Variants in MPDZ observed in about 807,000 individuals in gnomAD.
The protein encoded by MPDZ is multiple PDZ domain protein.
In MPDZ, 234 loss-of-function variants were observed where a neutral mutation model predicts 239.1. The observed-to-expected ratio is 0.98, with a 90% CI of 0.88 to 1.09. The LOEUF (loss-of-function observed/expected upper bound fraction) is 1.09. Ranked by LOEUF, MPDZ falls within the 50% of genes least tolerant of loss-of-function variation. The pLI, the probability that MPDZ is intolerant of heterozygous loss-of-function variation, is 0.00. For missense variants in MPDZ, 3,175 were observed against 2,510.0 expected, an observed-to-expected ratio of 1.26 and a Z score of -5.66; for synonymous variants, 1,048 against 881.3, an observed-to-expected ratio of 1.19 and a Z score of -3.35.
chr9:13,216,551 A>C (rs1405691671), intron 10 of MPDZ, among the ~76,000 whole-genome samples: 1 of 151,964 alleles, frequency 6.6e-6, no homozygotes, highest in Non-Finnish European at 1.5e-5. Flanking sequence ...TTATTCAAGA[A>C]GGAAGTCTCC....
chr9:13,270,011 A>T (rs1972606080), intron 1 of MPDZ, among the ~76,000 whole-genome samples: 1 of 152,222 alleles, frequency 6.6e-6, no homozygotes, highest in Non-Finnish European at 1.5e-5. Context: ...ATGTAATTCT[A>T]TAGGATTCAT....
intron 4 of MPDZ, 122 bp downstream of exon 4, chr9:13,224,251 CT>C: frequency 1.1e-6 from 1 of 923,054 alleles, no homozygotes; most frequent in East Asian, 2.5e-5. Flanking sequence ...ACAAAACTGA[CT>C]TTTTGTTCCA....
chr9:13,236,279 T>A (rs1159341549), intron 3 of MPDZ, among the ~76,000 whole-genome samples: 248 of 21,912 alleles, frequency 0.011, 14 homozygotes, highest in East Asian at 0.034. Context: ...TTTTTTTTTT[T>A]TTTTTTTTTT....
chr9:13,255,806 T>C (rs1969296929), intron 1 of MPDZ, among the ~76,000 whole-genome samples: 2 of 152,210 alleles, frequency 1.3e-5, no homozygotes, highest in African/African-American at 4.8e-5. Context: ...AGATTTAGAA[T>C]AACCCTTAAG....
intron 37 of MPDZ, 72 bp downstream of exon 37, chr9:13,122,015 C>A: frequency 6.2e-7 from 1 of 1,600,094 alleles, no homozygotes; most frequent in East Asian, 2.2e-5. Context: ...GAGAAAGAAG[C>A]AAAGAAAGAA....
At chr9:13,169,800 T>C (rs1951553981) in intron 21 of MPDZ, among the ~76,000 whole-genome samples, 1 of 152,208 alleles carries the variant, frequency 6.6e-6, no homozygotes, top group African/African-American at 2.4e-5. Flanking sequence ...CCTTGCTTTG[T>C]GTTATGTCCT....
intron 4 of MPDZ, 122 bp downstream of exon 4, chr9:13,224,250 ACT>A: frequency 1.1e-6 from 1 of 889,888 alleles, no homozygotes; most frequent in Non-Finnish European, 1.7e-6. Context: ...CACAAAACTG[ACT>A]TTTTGTTCCA....
intron 19 of MPDZ, among the ~76,000 whole-genome samples, chr9:13,177,039 A>G (rs16930184): frequency 0.019 from 2,849 of 152,276 alleles, 112 homozygotes; most frequent in East Asian, 0.17. Flanking sequence ...CTCTAAATCC[A>G]GGCTCTGTTA....
At chr9:13,116,117 C>A (rs559773777) in intron 39 of MPDZ, among the ~76,000 whole-genome samples, 1 of 152,250 alleles carries the variant, frequency 6.6e-6, no homozygotes, top group Non-Finnish European at 1.5e-5. Context: ...ATAAATACTG[C>A]TATCAACACA....
chr9:13,195,050 G>C (rs1955464792), intron 13 of MPDZ, among the ~76,000 whole-genome samples: 1 of 152,132 alleles, frequency 6.6e-6, no homozygotes. Flanking sequence ...CAATTTGGGA[G>C]GCTGAGGCAG....
At chr9:13,221,643 C>A in intron 6 of MPDZ, 143 bp from the exon 7 acceptor site, 1 of 786,756 alleles carries the variant, frequency 1.3e-6, no homozygotes, top group Non-Finnish European at 1.9e-6. Flanking sequence ...ATGTCCCTTT[C>A]ATTTGGTATA....
chr9:13,279,259 C>A (rs1209212635), intron 1 of MPDZ, 141 bp downstream of exon 1: 7 of 130,850 alleles, frequency 5.3e-5, no homozygotes, highest in African/African-American at 8.1e-5. Context: ...CTACCCCCAC[C>A]CCCACCCCCA....
At chr9:13,248,813 A>T (rs1307479831) in intron 2 of MPDZ, among the ~76,000 whole-genome samples, 1 of 151,044 alleles carries the variant, frequency 6.6e-6, no homozygotes, top group Non-Finnish European at 1.5e-5. Flanking sequence ...ACTAAAAAAA[A>T]ATAAAAAAAA....
chr9:13,201,199 C>CA (rs1956347668), intron 12 of MPDZ, among the ~76,000 whole-genome samples: 1 of 151,908 alleles, frequency 6.6e-6, no homozygotes, highest in Non-Finnish European at 1.5e-5. Flanking sequence ...CTGTTCTTCA[C>CA]TTAGCCTATT....
At chr9:13,243,863 A>G (rs372754689) in intron 3 of MPDZ, among the ~76,000 whole-genome samples, 1 of 152,216 alleles carries the variant, frequency 6.6e-6, no homozygotes. Flanking sequence ...CACCAACAAC[A>G]AAACAATAGA....
At chr9:13,230,327 C>G (rs1962003979) in intron 3 of MPDZ, among the ~76,000 whole-genome samples, 3 of 152,052 alleles carry the variant, frequency 2.0e-5, no homozygotes, top group African/African-American at 7.2e-5. Flanking sequence ...AAATAAAAAC[C>G]TAGGTCCACA....
At position 13,106,850 on chromosome 9, in the gene MPDZ, C is replaced by A. The variant is rs1941535732; in HGVS notation, c.*115G>T. 3 of 1,125,262 alleles carry A rather than the reference C, an allele frequency of 2.7e-6. No individual in the cohort carries two copies. The highest frequency in any genetic ancestry group is 3.8e-6 in the Non-Finnish European group (3 of 795,512). The allele number at this position is 1,125,262 out of a possible 1,614,324, so 69.7% of individuals were successfully genotyped here. A position where few individuals can be genotyped will look rare whatever the true frequency, so the allele number is the denominator to read the frequency against. ...AAAAGAAACTTAAGTGTTATTTCCC[C>A]CCTACAGTTTTGAAGACCCGGCTGA... is the stretch of plus-strand genomic sequence containing the variant. On this transcript the variant is annotated 3_prime_UTR_variant, in exon 47 of 47. Coordinates refer to ENST00000319217, the MANE Select transcript of MPDZ (RefSeq NM_001378778.1).
rs375691479 is a variant in MPDZ, at chr9:13,143,471, C to A, written c.3835G>T (p.Asp1279Tyr). ...PFADSLQINA[D>Y]KAPSQSESEP... is the part of the protein sequence containing the mutation. ...GACAATGGGCATTATCCAACCTTGT[C>A]GGCGTTGATTTGTAGAGAGTCAGCA... The change falls in exon 27 of 47, where the codon GAC (aspartate) becomes TAC (tyrosine). Residue 1279 changes from aspartate (D) to tyrosine (Y), a missense_variant. Transcript: ENST00000319217. The A allele has an allele frequency of 4.1e-5, 66 of 1,610,480 alleles. No homozygotes were observed. Among genetic ancestry groups the A allele is most frequent in the Non-Finnish European group, 5.4e-5 (63 of 1,177,320 alleles).
At chr9:13,113,470 C>A (rs748188419) in intron 41 of MPDZ, among the ~76,000 whole-genome samples, 1 of 152,128 alleles carries the variant, frequency 6.6e-6, no homozygotes, top group Non-Finnish European at 1.5e-5. Context: ...TTGTTAGTTT[C>A]TTCAATTTGA....
Sources: allele counts gnomAD v4.1 joint callset (sites outside exome capture counted in the v4.1 genomes callset), GRCh38; gene constraint gnomAD v4.1.1; transcripts MANE v1.5; gene names NCBI Gene and HGNC (gene_info 2026-07-23, HGNC 2026-07-21).